Variants in HECW2 observed in about 807,000 individuals in gnomAD.
HECW2 encodes HECT, C2 and WW domain containing E3 ubiquitin protein ligase 2.
HECW2 carries 61 observed loss-of-function variants against 175.2 expected under a neutral mutation model. The ratio of observed to expected loss-of-function variants is 0.35; its 90% CI spans 0.28 to 0.43. The LOEUF is 0.43. HECW2 is among the 20% of genes least tolerant of loss of function. The probability of loss-of-function intolerance (pLI) is 1.00; values close to 1 mark genes in which losing one functional copy is unlikely to be tolerated. For missense variants in HECW2, 1,524 were observed against 2,000.5 expected, an observed-to-expected ratio of 0.76 and a Z score of 4.54; for synonymous variants, 671 against 731.0, an observed-to-expected ratio of 0.92 and a Z score of 1.32.
chr2:196,426,868 G>A (rs1271753342), intron 2 of HECW2, among the ~76,000 whole-genome samples: 2 of 152,020 alleles, frequency 1.3e-5, no homozygotes, highest in Admixed American at 6.6e-5. Flanking sequence ...ATAATGCTTT[G>A]GTTTACTATT....
intron 3 of HECW2, among the ~76,000 whole-genome samples, chr2:196,342,335 C>T (rs1243091973): frequency 4.7e-5 from 7 of 148,072 alleles, no homozygotes; most frequent in Middle Eastern, 7.0e-3. Context: ...ACCCGGGAGG[C>T]GGAGGTTGTG....
chr2:196,577,265 T>C (rs1303200934), intron 1 of HECW2, among the ~76,000 whole-genome samples: 1 of 152,160 alleles, frequency 6.6e-6, no homozygotes, highest in Non-Finnish European at 1.5e-5. Flanking sequence ...AGGAAAAAAT[T>C]AGGTGTGCTG....
intron 1 of HECW2, among the ~76,000 whole-genome samples, chr2:196,527,483 C>T (rs1188444828): frequency 1.3e-5 from 2 of 152,214 alleles, no homozygotes; most frequent in Non-Finnish European, 1.5e-5. Context: ...TGTTTCTATT[C>T]GGCCATCTTG....
intron 1 of HECW2, among the ~76,000 whole-genome samples, chr2:196,515,975 C>CAA (rs60165337): frequency 0.15 from 19,781 of 135,708 alleles, 2,526 homozygotes; most frequent in African/African-American, 0.35. Flanking sequence ...AAAAAAAGTA[C>CAA]AAAAAAAAAA....
chr2:196,365,938 G>A (rs915335354), intron 2 of HECW2, among the ~76,000 whole-genome samples: 2 of 152,128 alleles, frequency 1.3e-5, no homozygotes, highest in Admixed American at 1.3e-4. Context: ...AAACTAGCTG[G>A]ATTTCAAATC....
chr2:196,344,958 G>T (rs569922156), intron 2 of HECW2, among the ~76,000 whole-genome samples: 35 of 152,040 alleles, frequency 2.3e-4, no homozygotes, highest in African/African-American at 4.1e-4. Context: ...GGGATTTCTG[G>T]TTTTTTTTGT....
intron 2 of HECW2, among the ~76,000 whole-genome samples, chr2:196,428,705 T>A (rs184915555): frequency 1.3e-5 from 2 of 152,334 alleles, no homozygotes; most frequent in East Asian, 3.9e-4. Context: ...AAAAACAACC[T>A]GGTGGCTTTC....
rs140177704 is a variant in HECW2 at position 196,319,608 on chromosome 2, G to A, written c.1282C>T (p.His428Tyr). 3.8e-4 allele frequency: 615 copies of A among 1,614,204 alleles called. 4 individuals carry two copies. The highest frequency in any genetic ancestry group is 1.5e-5 in the Non-Finnish European group (18 of 1,180,036). ...DYLDAIEHNG[H>Y]SRPGTATCSE... is the part of the protein sequence containing the mutation. ...CAGGTCGCTGTCCCCGGCCTGGAGT[G>A]GCCATTGTGTTCGATAGCATCTAAG... Residue 428 changes from histidine (H) to tyrosine (Y), a missense_variant, in exon 9 of 29, where the codon CAC (histidine) becomes TAC (tyrosine). His to Tyr is a moderately conservative substitution (Grantham distance 83). Coordinates refer to ENST00000644978, the MANE Select transcript of HECW2 (RefSeq NM_001348768.2).
At chr2:196,319,989 G>C in intron 8 of HECW2, 85 bp from the exon 9 acceptor site, 2 of 1,342,650 alleles carry the variant, frequency 1.5e-6, no homozygotes, top group East Asian at 4.9e-5. Flanking sequence ...CCACCAATAA[G>C]TTCAAAGAAA....
At position 196,343,757 on chromosome 2, in the gene HECW2, A is replaced by T. The variant is rs761499539; in HGVS notation, c.300T>A (p.Asn100Lys). The change falls in exon 3 of 29, where the codon AAT becomes AAA. Residue 100 changes from asparagine to lysine, a missense_variant. Physicochemically the swap from Asn to Lys is moderately conservative, Grantham distance 94 (BLOSUM62 0). Around this residue, in one of 11 missense-constraint regions of HECW2, gnomAD observed 135 missense variants for 214.6 expected, o/e 0.63. Transcript: ENST00000644978. ...DWIGLYHIDE[N>K]SPANFWDSKN... ...TAGAATCCCAGAAGTTGGCTGGAGA[A>T]TTCTCATCTAGAAAAACCAAAGAAA... 1 of 1,608,298 alleles carries T rather than the reference A, an allele frequency of 6.2e-7. No individual in the cohort carries two copies. Among genetic ancestry groups the T allele is most frequent in the Non-Finnish European group, 8.5e-7 (1 of 1,174,812 alleles).
At position 196,514,222 on chromosome 2, in the gene HECW2, C is replaced by T. The variant is rs114045254; in HGVS notation, c.-36+79286G>A. On this transcript the variant is annotated intron_variant, in intron 1 of 28. Transcript: ENST00000644978. ...TCCAATTTCAGAGCAAAGTTGTGGC[C>T]GAGTCTGAGCACTGTCACAACCCAG... 7.2e-3 allele frequency among the ~76,000 whole-genome samples: 1,098 copies of T among 152,286 alleles called. 22 individuals carry two copies. The highest frequency in any genetic ancestry group is 0.025 in the African/African-American group (1,053 of 41,566).
chr2:196,255,362 G>A (rs995540289), intron 18 of HECW2, among the ~76,000 whole-genome samples: 2 of 151,554 alleles, frequency 1.3e-5, no homozygotes, highest in South Asian at 2.1e-4. Context: ...TTTATATGTG[G>A]TATCTTTCAT....
intron 2 of HECW2, among the ~76,000 whole-genome samples, chr2:196,408,281 G>T (rs1257484465): frequency 6.6e-6 from 1 of 152,196 alleles, no homozygotes; most frequent in African/African-American, 2.4e-5. Context: ...GAAAAACATT[G>T]AATGAGGTAT....
chr2:196,382,510 T>A (rs192849706), intron 2 of HECW2, among the ~76,000 whole-genome samples: 36 of 152,168 alleles, frequency 2.4e-4, no homozygotes, highest in Admixed American at 2.0e-3. Context: ...TACAGTTTTT[T>A]AAAAAATTAG....
intron 1 of HECW2, among the ~76,000 whole-genome samples, chr2:196,485,372 G>C (rs1326430245): frequency 6.6e-6 from 1 of 152,168 alleles, no homozygotes; most frequent in Non-Finnish European, 1.5e-5. Context: ...AAATACCTAA[G>C]ACTGGGTAAT....
At chr2:196,516,252 G>A (rs1410495558) in intron 1 of HECW2, among the ~76,000 whole-genome samples, 1 of 152,158 alleles carries the variant, frequency 6.6e-6, no homozygotes, top group African/African-American at 2.4e-5. Context: ...TTTGTAGCAT[G>A]AAAAACTTTA....
intron 1 of HECW2, among the ~76,000 whole-genome samples, chr2:196,438,024 C>CGTTTT (rs2125283383): frequency 6.6e-6 from 1 of 152,192 alleles, no homozygotes; most frequent in South Asian, 2.1e-4. Flanking sequence ...TTTGCTTTCA[C>CGTTTT]GTTTTGTTTT....
intron 22 of HECW2, among the ~76,000 whole-genome samples, chr2:196,227,199 A>G (rs1575253460): frequency 6.6e-6 from 1 of 152,234 alleles, no homozygotes; most frequent in East Asian, 1.9e-4. Context: ...TAAGTCCTAA[A>G]AGATAACGCC....
rs1692845743 is a variant in HECW2, at chr2:196,343,676, A to T, written c.381T>A (p.Pro127=). 1.2e-6 allele frequency: 2 copies of T among 1,611,748 alleles called. No individual in the cohort carries two copies. Among genetic ancestry groups the T allele is most frequent in the Non-Finnish European group, 8.5e-7 (1 of 1,177,910 alleles). Residue 127 remains proline (P), a synonymous_variant, in exon 3 of 29, where the codon CCT becomes CCA. Coordinates refer to ENST00000644978, the MANE Select transcript of HECW2 (RefSeq NM_001348768.2). ...QKGQIVWRIE[P]GPYFMEPEIK... is the part of the protein sequence containing the mutation. The stretch of plus-strand genomic sequence containing the variant: ...ACTTACGTTCCATGAAATAGGGCCC[A>T]GGCTCAATTCTCCATACAATTTGCC...
Sources: allele counts gnomAD v4.1 joint callset (sites outside exome capture counted in the v4.1 genomes callset), GRCh38; gene constraint gnomAD v4.1.1; regional missense constraint gnomAD v4.1.1; transcripts MANE v1.5; gene names NCBI Gene and HGNC (gene_info 2026-07-23, HGNC 2026-07-21).